Variants in DCLK1 observed in about 807,000 individuals in gnomAD.
The protein encoded by DCLK1 is doublecortin like kinase 1, also known as serine/threonine-protein kinase DCLK1.
A neutral mutation model predicts 86.2 loss-of-function variants in DCLK1; 16 were observed. The observed-to-expected ratio is 0.19, with a 90% CI of 0.13 to 0.28. The LOEUF (loss-of-function observed/expected upper bound fraction) is 0.28. Ranked by LOEUF, DCLK1 falls within the 10% of genes least tolerant of loss-of-function variation. The pLI, the probability that DCLK1 is intolerant of heterozygous loss-of-function variation, is 1.00. For synonymous variants in DCLK1, 369 were observed against 370.5 expected (o/e 1.00, Z 0.05); for missense variants, 590 against 940.2 (o/e 0.63, Z 4.87).
chr13:35,925,960 C>A (rs182313464), intron 4 of DCLK1, among the ~76,000 whole-genome samples: 9 of 152,200 alleles, frequency 5.9e-5, no homozygotes, highest in Admixed American at 2.0e-4. Flanking sequence ...CCGTAGTTTG[C>A]AGTTTGTATA....
chr13:36,053,208 C>T (rs1883187057), intron 3 of DCLK1, among the ~76,000 whole-genome samples: 1 of 152,232 alleles, frequency 6.6e-6, no homozygotes, highest in Non-Finnish European at 1.5e-5. Context: ...TGAGTGCCTA[C>T]TAAATGAAAG....
At chr13:36,029,079 T>G (rs781253411) in intron 3 of DCLK1, among the ~76,000 whole-genome samples, 12 of 152,234 alleles carry the variant, frequency 7.9e-5, no homozygotes, top group Non-Finnish European at 1.6e-4. Context: ...TGTTTCTTTA[T>G]TTCTCTAATA....
intron 4 of DCLK1, among the ~76,000 whole-genome samples, chr13:35,904,875 A>G (rs1262690760): frequency 6.6e-6 from 1 of 152,144 alleles, no homozygotes; most frequent in African/African-American, 2.4e-5. Context: ...AAATCTAGTC[A>G]CCTTTTCTAA....
intron 3 of DCLK1, among the ~76,000 whole-genome samples, chr13:36,045,326 G>GTATA (rs1882846261): frequency 3.3e-5 from 2 of 60,930 alleles, no homozygotes; most frequent in South Asian, 7.3e-4. Flanking sequence ...ATATGTGTGT[G>GTATA]TGTGTGTATA....
intron 8 of DCLK1, among the ~76,000 whole-genome samples, chr13:35,830,116 T>A (rs1256856738): frequency 6.6e-6 from 1 of 152,220 alleles, no homozygotes; most frequent in Admixed American, 6.5e-5. Context: ...GTTGGGGCAG[T>A]GGCTCATGCC....
chr13:35,818,575 CTA>C (rs1488198959), intron 11 of DCLK1, among the ~76,000 whole-genome samples: 1 of 152,054 alleles, frequency 6.6e-6, no homozygotes, highest in Non-Finnish European at 1.5e-5. Context: ...AAGAAAACGA[CTA>C]TGTTTGTTTC....
intron 4 of DCLK1, among the ~76,000 whole-genome samples, chr13:35,935,703 G>A (rs1250778129): frequency 3.3e-5 from 5 of 152,142 alleles, no homozygotes; most frequent in African/African-American, 4.8e-5. Context: ...GAGGAGTCAG[G>A]GTTAGAGATG....
chr13:35,900,562 A>T (rs2153122101), intron 4 of DCLK1, among the ~76,000 whole-genome samples: 1 of 152,224 alleles, frequency 6.6e-6, no homozygotes, highest in South Asian at 2.1e-4. Flanking sequence ...ACATTTTATA[A>T]AAACTACTCA....
chr13:36,014,429 C>T (rs920742941), intron 3 of DCLK1, among the ~76,000 whole-genome samples: 7 of 152,032 alleles, frequency 4.6e-5, no homozygotes, highest in African/African-American at 1.7e-4. Context: ...AAATTACAGC[C>T]GATAAAAACT....
chr13:36,109,792 G>A lies in DCLK1; in HGVS notation c.723+2077C>T, dbSNP rs567869209. ...TTTTTGACATTAAACCTCGGATTCC[G>A]TCCCATGACTTTGGATTATTTACAT... On this transcript the variant is annotated intron_variant, in intron 3 of 16. Coordinates refer to ENST00000360631, the MANE Select transcript of DCLK1 (RefSeq NM_001330071.2). Among the ~76,000 whole-genome samples the A allele has an allele frequency of 1.2e-3, 186 of 152,276 alleles. 1 individual carries two copies. Among genetic ancestry groups the A allele is most frequent in the African/African-American group, 4.1e-3 (171 of 41,546 alleles).
chr13:35,978,123 T>C (rs899858795), intron 3 of DCLK1, among the ~76,000 whole-genome samples: 61 of 151,796 alleles, frequency 4.0e-4, no homozygotes, highest in Non-Finnish European at 1.2e-4. Flanking sequence ...AAATAATACA[T>C]GAAGAAAACA....
chr13:35,940,684 G>C (rs1877034890), intron 4 of DCLK1, among the ~76,000 whole-genome samples: 1 of 152,132 alleles, frequency 6.6e-6, no homozygotes, highest in African/African-American at 2.4e-5. Context: ...TTCTACAGGT[G>C]GTTTAGTTTA....
chr13:35,954,421 A>G (rs574557683), intron 3 of DCLK1, among the ~76,000 whole-genome samples: 42 of 152,248 alleles, frequency 2.8e-4, no homozygotes, highest in Middle Eastern at 6.8e-3. Flanking sequence ...CTCCATTCTT[A>G]GCAATGAACA....
At chr13:36,068,152 CA>C (rs1462746317) in intron 3 of DCLK1, among the ~76,000 whole-genome samples, 38 of 152,228 alleles carry the variant, frequency 2.5e-4, no homozygotes, top group African/African-American at 8.9e-4. Context: ...TTACGGTTAT[CA>C]AAAAACAGAG....
At chr13:35,858,975 T>A (rs17053006) in intron 5 of DCLK1, among the ~76,000 whole-genome samples, 2,940 of 152,320 alleles carry the variant, frequency 0.019, 94 homozygotes, top group African/African-American at 0.066. Flanking sequence ...GTTGAATCAC[T>A]GCTGGGATAA....
intron 10 of DCLK1, among the ~76,000 whole-genome samples, chr13:35,825,406 G>A (rs2087496493): frequency 6.6e-6 from 1 of 152,118 alleles, no homozygotes; most frequent in Non-Finnish European, 1.5e-5. Context: ...CCTTTCTAGG[G>A]TATCTTGGTG....
chr13:35,886,859 T>G (rs374038724), intron 4 of DCLK1, among the ~76,000 whole-genome samples: 19 of 152,162 alleles, frequency 1.2e-4, no homozygotes, highest in African/African-American at 4.6e-4. Context: ...TTAGAAAACC[T>G]GGAGACAAAA....
At chr13:36,112,971 AAAAAAG>A (rs1032274397) in intron 2 of DCLK1, among the ~76,000 whole-genome samples, 4 of 152,208 alleles carry the variant, frequency 2.6e-5, no homozygotes, top group Admixed American at 6.5e-5. Flanking sequence ...TCACACACAC[AAAAAAG>A]AAAAACATGA....
At chr13:36,051,318 C>T (rs893230908) in intron 3 of DCLK1, among the ~76,000 whole-genome samples, 4 of 152,126 alleles carry the variant, frequency 2.6e-5, no homozygotes, top group African/African-American at 9.7e-5. Context: ...ATGAAAAGGA[C>T]TGATGACTTC....
Sources: allele counts gnomAD v4.1 joint callset (sites outside exome capture counted in the v4.1 genomes callset), GRCh38; gene constraint gnomAD v4.1.1; transcripts MANE v1.5; gene names NCBI Gene and HGNC (gene_info 2026-07-23, HGNC 2026-07-21).